The following ADGRB1 variants were observed in gnomAD, a reference collection of about 807,000 sequenced individuals.
ADGRB1 encodes the protein adhesion G protein-coupled receptor B1.
In ADGRB1, 36 loss-of-function variants were observed where a neutral mutation model predicts 175.7. That is an observed-to-expected ratio of 0.20 (90% CI 0.16 to 0.27). The LOEUF is 0.27. ADGRB1 is among the 10% of genes least tolerant of loss of function. ADGRB1 has a pLI of 1.00. For missense variants in ADGRB1, 1,731 were observed against 2,255.3 expected, an observed-to-expected ratio of 0.77 and a Z score of 4.71; for synonymous variants, 1,054 against 979.4, an observed-to-expected ratio of 1.08 and a Z score of -1.42.
At chr8:142,535,210 G>A (rs759891276) in intron 25 of ADGRB1, among the ~76,000 whole-genome samples, 20 of 152,194 alleles carry the variant, frequency 1.3e-4, no homozygotes, top group Non-Finnish European at 2.4e-4. Flanking sequence ...GGTGACGGGA[G>A]CTGCAAAGGA....
rs888955900 is a variant in ADGRB1, at chr8:142,475,579, G to A, written c.890G>A (p.Gly297Asp). The change falls in exon 3 of 31, where the codon GGC (glycine) becomes GAC (aspartate). Residue 297 changes from glycine to aspartate, a missense_variant. Gly to Asp is a moderately conservative substitution (Grantham distance 94, BLOSUM62 -1). Transcript: ENST00000517894. ...CTGCCCGCGCCGGGCGTGGAGGGCGGCGGCTGCGAGGGGGTGCTGGAGGAG... is the reference window on the plus strand; with the variant it reads ...CTGCCCGCGCCGGGCGTGGAGGGCGACGGCTGCGAGGGGGTGCTGGAGGAG... The part of the protein sequence containing the change: ...TCLPAPGVEG[G>D]GCEGVLEEGR... 3.2e-6 allele frequency: 4 copies of A among 1,259,876 alleles called. No individual in the cohort carries two copies. The highest frequency in any genetic ancestry group is 3.0e-6 in the Non-Finnish European group (3 of 1,002,972). 78.0% of individuals were successfully genotyped at this position (1,259,876 alleles called of 1,614,324 possible). A position where few individuals can be genotyped will look rare whatever the true frequency, so the allele number is the denominator to read the frequency against.
chr8:142,488,765 C>G (rs1379908709), intron 14 of ADGRB1, among the ~76,000 whole-genome samples: 1 of 152,178 alleles, frequency 6.6e-6, no homozygotes, highest in Non-Finnish European at 1.5e-5. Context: ...ACCCTGTTAC[C>G]TGGAAGAGAG....
chr8:142,514,935 T>C (rs1271329811), intron 18 of ADGRB1, among the ~76,000 whole-genome samples: 2 of 151,730 alleles, frequency 1.3e-5, no homozygotes, highest in African/African-American at 2.4e-5. Context: ...CCATAGACGG[T>C]GTTGGGGCAG....
chr8:142,544,288 G>C lies in ADGRB1; in HGVS notation c.4626G>C (p.Thr1542=). Residue 1542 remains threonine, a synonymous_variant, in exon 31 of 31, where the codon ACG becomes ACC. Transcript: ENST00000517894. ...ESLRKAHGTP[T]WVKKELEPLQ... ...TCCGGAAAGCCCACGGGACGCCCAC[G>C]TGGGTGAAGAAGGAGCTGGAGCCGC... The C allele has an allele frequency of 6.5e-7, 1 of 1,549,400 alleles. No homozygotes were observed. Among genetic ancestry groups the C allele is most frequent in the Non-Finnish European group, 8.7e-7 (1 of 1,146,620 alleles).
At chr8:142,467,937 C>T (rs1322908074) in intron 2 of ADGRB1, among the ~76,000 whole-genome samples, 1 of 152,190 alleles carries the variant, frequency 6.6e-6, no homozygotes, top group Non-Finnish European at 1.5e-5. Flanking sequence ...CTCTAGAGGG[C>T]TCAGGGAGCA....
chr8:142,526,882 G>T (rs1329703574), intron 24 of ADGRB1, among the ~76,000 whole-genome samples: 1 of 152,230 alleles, frequency 6.6e-6, no homozygotes, highest in Non-Finnish European at 1.5e-5. Context: ...CTGTGAGACT[G>T]ATTGTGCAGG....
At chr8:142,507,733 G>A (rs1221719755) in intron 17 of ADGRB1, among the ~76,000 whole-genome samples, 1 of 152,256 alleles carries the variant, frequency 6.6e-6, no homozygotes, top group Non-Finnish European at 1.5e-5. Context: ...GCAACCCTCA[G>A]GCAGTTGAGC....
intron 1 of ADGRB1, among the ~76,000 whole-genome samples, chr8:142,463,034 G>A (rs1305951717): frequency 6.6e-6 from 1 of 152,216 alleles, no homozygotes; most frequent in African/African-American, 2.4e-5. Context: ...TCAGCCTGGG[G>A]CTCACGTATG....
Position 142,542,351 on chromosome 8 carries a change from C to T in ADGRB1, c.4117C>T (p.Pro1373Ser). 6.4e-7 allele frequency: 1 copy of T among 1,570,024 alleles called. No individual in the cohort carries two copies. Among genetic ancestry groups the T allele is most frequent in the Non-Finnish European group, 8.6e-7 (1 of 1,157,880 alleles). ...PKYSIHIDQM[P>S]QTRLIHLSTA... is the part of the protein sequence containing the mutation. The stretch of plus-strand genomic sequence containing the variant: ...GTACAGCATCCACATTGACCAGATG[C>T]CGCAGACCCGCCTCATCCACCTCAG... Residue 1373 changes from proline (P) to serine (S), a missense_variant, in exon 28 of 31, where the codon CCG (proline) becomes TCG (serine). By Grantham distance (74) the Pro-to-Ser change is moderately conservative. This residue lies in a region of ADGRB1 where 394 missense variants were observed against 410.2 expected (regional missense o/e 0.96). Coordinates refer to ENST00000517894, the MANE Select transcript of ADGRB1 (RefSeq NM_001702.3). This position sits in a 1 kb window ranked among gnomAD's most constrained non-coding sequence, Gnocchi z 6.3.
At chr8:142,454,462 G>A (rs1232138547) in intron 1 of ADGRB1, among the ~76,000 whole-genome samples, 1 of 152,188 alleles carries the variant, frequency 6.6e-6, no homozygotes, top group African/African-American at 2.4e-5. Context: ...CGGCACCCCC[G>A]CCCCGCGATG....
intron 24 of ADGRB1, among the ~76,000 whole-genome samples, chr8:142,529,971 C>T (rs1464424634): frequency 7.0e-6 from 1 of 143,230 alleles, no homozygotes; most frequent in Non-Finnish European, 1.5e-5. Context: ...AGTGTGCATA[C>T]GTGCAAACGT....
At chr8:142,496,187 G>A (rs1842206981) in intron 17 of ADGRB1, among the ~76,000 whole-genome samples, 2 of 151,398 alleles carry the variant, frequency 1.3e-5, no homozygotes, top group Admixed American at 1.3e-4. Flanking sequence ...CTGAATGTGT[G>A]GATGGAGGTA....
rs1294976714 is a variant in ADGRB1, at chr8:142,484,017, A to G, written c.2171A>G (p.Asn724Ser). 6.2e-7 allele frequency: 1 copy of G among 1,612,920 alleles called. No individual in the cohort carries two copies. Among genetic ancestry groups the G allele is most frequent in the African/African-American group, 1.3e-5 (1 of 74,886 alleles). Residue 724 changes from asparagine to serine, a missense_variant, in exon 12 of 31, where the codon AAT becomes AGT. Physicochemically the swap from Asn to Ser is conservative, Grantham distance 46. Around this residue, in one of 8 missense-constraint regions of ADGRB1, gnomAD observed 388 missense variants for 630.9 expected, o/e 0.61. Transcript: ENST00000517894. ...CTTAGCAACCTGTTGGCAGAGGAGA[A>G]TCGGGACAAGTGGGAGGAGGCCCAG... The part of the protein sequence containing the change: ...QILSNLLAEE[N>S]RDKWEEAQLA...
chr8:142,536,333 G>T (rs1477703348), intron 25 of ADGRB1, among the ~76,000 whole-genome samples: 2 of 152,260 alleles, frequency 1.3e-5, no homozygotes, highest in East Asian at 3.9e-4. Context: ...ATTCGTAGAT[G>T]ATGTCTCCTG....
rs1842020381 is a variant in ADGRB1 at position 142,492,334 on chromosome 8, C to G, written c.2675+1519C>G. The stretch of plus-strand genomic sequence containing the variant: ...TATTCTGGCAGGTCCCAGCCTTTAG[C>G]CTCCTCTCCCCAGTGAGGAGGGATG... On this transcript the variant is annotated intron_variant, in intron 17 of 30. Coordinates refer to ENST00000517894, the MANE Select transcript of ADGRB1 (RefSeq NM_001702.3). This position sits in a 1 kb window ranked among gnomAD's most constrained non-coding sequence, Gnocchi z 4.4. Among the ~76,000 whole-genome samples, 1 of 152,130 alleles carries G rather than the reference C, an allele frequency of 6.6e-6. No homozygotes were observed. The highest frequency in any genetic ancestry group is 1.5e-5 in the Non-Finnish European group (1 of 68,028).
intron 1 of ADGRB1, among the ~76,000 whole-genome samples, chr8:142,450,451 G>A (rs1017396866): frequency 6.6e-6 from 1 of 152,130 alleles, no homozygotes; most frequent in Non-Finnish European, 1.5e-5. Flanking sequence ...CACATGCACA[G>A]GGCAGGCTGG....
Position 142,492,226 on chromosome 8 carries a change from C to T in ADGRB1, c.2675+1411C>T, listed in dbSNP as rs574644399. On this transcript the variant is annotated intron_variant, in intron 17 of 30. Coordinates refer to ENST00000517894, the MANE Select transcript of ADGRB1 (RefSeq NM_001702.3). This position sits in a 1 kb window ranked among gnomAD's most constrained non-coding sequence, Gnocchi z 4.4. ...ACCCACCACCCATCCACCGCTCCTCCGTCCGCCTGTTCTTTAATCCATCCG... is the reference window on the plus strand; with the variant it reads ...ACCCACCACCCATCCACCGCTCCTCTGTCCGCCTGTTCTTTAATCCATCCG... Among the ~76,000 whole-genome samples, 4 of 152,270 alleles carry T rather than the reference C, an allele frequency of 2.6e-5. No individual in the cohort carries two copies. The highest frequency in any genetic ancestry group is 6.5e-5 in the Admixed American group (1 of 15,298).
chr8:142,500,142 C>T (rs909795965), intron 17 of ADGRB1, among the ~76,000 whole-genome samples: 3 of 151,988 alleles, frequency 2.0e-5, no homozygotes, highest in Admixed American at 6.6e-5. Context: ...GGCTGCCGTC[C>T]GGCGCTGCCT....
intron 27 of ADGRB1, chr8:142,539,624 G>C: frequency 1.6e-6 from 1 of 623,712 alleles, no homozygotes; most frequent in East Asian, 2.8e-5. Flanking sequence ...TGAGGCCGAA[G>C]GAGGGTCCAT....
Sources: gnomAD v4.1 joint callset for allele counts (sites outside exome capture counted in the v4.1 genomes callset) on GRCh38, gnomAD v4.1.1 for gene constraint, gnomAD v4.1.1 regional missense constraint, Gnocchi (gnomAD v3.1) non-coding constraint, MANE v1.5 for transcripts, NCBI Gene and HGNC (gene_info 2026-07-23, HGNC 2026-07-21) for gene names.